Variants in ATP2B4 observed in about 807,000 individuals in gnomAD.
ATP2B4 encodes plasma membrane calcium-transporting ATPase 4.
ATP2B4 carries 39 observed loss-of-function variants against 110.3 expected under a neutral mutation model. The ratio of observed to expected loss-of-function variants is 0.35; its 90% CI spans 0.27 to 0.46. ATP2B4 has a LOEUF of 0.46. ATP2B4 is among the 20% of genes least tolerant of loss of function. The pLI, the probability that ATP2B4 is intolerant of heterozygous loss-of-function variation, is 1.00. For synonymous variants in ATP2B4, 538 were observed against 571.7 expected (o/e 0.94, Z 0.84); for missense variants, 1,135 against 1,530.9 (o/e 0.74, Z 4.32).
chr1:203,717,591 G>C (rs1666194548), intron 15 of ATP2B4, among the ~76,000 whole-genome samples: 1 of 151,274 alleles, frequency 6.6e-6, no homozygotes, highest in African/African-American at 2.4e-5. Flanking sequence ...TTTCTCCAAG[G>C]ATTCCTGCTT....
chr1:203,727,075 T>C (rs956479826), intron 19 of ATP2B4, among the ~76,000 whole-genome samples: 2 of 152,072 alleles, frequency 1.3e-5, no homozygotes, highest in East Asian at 3.9e-4. Context: ...AAAAGACAGA[T>C]TGCAAAATGG....
intron 1 of ATP2B4, among the ~76,000 whole-genome samples, chr1:203,671,474 T>C (rs1664660229): frequency 6.6e-6 from 1 of 152,216 alleles, no homozygotes; most frequent in Non-Finnish European, 1.5e-5. Flanking sequence ...CTGCCCATCT[T>C]GAACCACCTA....
chr1:203,709,383 A>G lies in ATP2B4; in HGVS notation c.1640A>G (p.Lys547Arg), dbSNP rs779242081. The G allele has an allele frequency of 3.1e-6, 5 of 1,614,218 alleles. No homozygotes were observed. In the South Asian group the frequency reaches 5.5e-5, roughly 18 times the overall value. ...CTGCTAGGCTTTGTCACAGATCTGA[A>G]GCAGGATTATCAGGCTGTGCGTAAT... ...CALLGFVTDLKQDYQAVRNEV... is the reference protein window; with the variant it reads ...CALLGFVTDLRQDYQAVRNEV... Residue 547 changes from lysine to arginine, a missense_variant, in exon 11 of 21, where the codon AAG becomes AGG. This residue lies in a region of ATP2B4 where 368 missense variants were observed against 455.9 expected (regional missense o/e 0.81). Transcript: ENST00000357681.
intron 15 of ATP2B4, among the ~76,000 whole-genome samples, chr1:203,717,154 C>T (rs1027028791): frequency 3.9e-5 from 6 of 152,010 alleles, no homozygotes; most frequent in Non-Finnish European, 7.4e-5. Context: ...GCCAAGATCA[C>T]GCCTCTGCAT....
intron 4 of ATP2B4, 106 bp from the exon 5 acceptor site, chr1:203,700,100 C>A: frequency 7.4e-7 from 1 of 1,345,998 alleles, no homozygotes; most frequent in Non-Finnish European, 1.0e-6. Context: ...CTAGATAGGG[C>A]CCATGGGAAC....
At chr1:203,650,585 C>T (rs1336336647) in intron 1 of ATP2B4, among the ~76,000 whole-genome samples, 1 of 152,210 alleles carries the variant, frequency 6.6e-6, no homozygotes, top group Non-Finnish European at 1.5e-5. Flanking sequence ...CCGGCGCCTG[C>T]GGCTGAGTTG....
At chr1:203,714,709 G>C (rs528484386) in intron 15 of ATP2B4, among the ~76,000 whole-genome samples, 1 of 151,836 alleles carries the variant, frequency 6.6e-6, no homozygotes, top group Non-Finnish European at 1.5e-5. Flanking sequence ...ACAGTTAGAC[G>C]TCTTAATTCA....
intron 2 of ATP2B4, among the ~76,000 whole-genome samples, chr1:203,697,651 G>T (rs1009600694): frequency 2.6e-5 from 4 of 152,176 alleles, no homozygotes; most frequent in Non-Finnish European, 5.9e-5. Flanking sequence ...TAGGATGGTT[G>T]TCTCTAACTG....
At position 203,689,023 on chromosome 1, in the gene ATP2B4, C is replaced by T. The variant is rs181039316; in HGVS notation, c.193+5625C>T. Among the ~76,000 whole-genome samples the T allele has an allele frequency of 2.2e-3, 340 of 152,266 alleles. 1 individual carries two copies. Among genetic ancestry groups the T allele is most frequent in the Non-Finnish European group, 3.9e-3 (263 of 68,028 alleles). On this transcript the variant is annotated intron_variant, in intron 2 of 20. Coordinates refer to ENST00000357681, the MANE Select transcript of ATP2B4 (RefSeq NM_001684.5). ...CGTTCCCCATTCCAGTTTTTTCCCC[C>T]TCCTTTTATTGTCTCTTCTTTCCCT... is the stretch of plus-strand genomic sequence containing the variant.
intron 1 of ATP2B4, among the ~76,000 whole-genome samples, chr1:203,658,888 C>T (rs1429829771): frequency 6.6e-6 from 1 of 151,936 alleles, no homozygotes; most frequent in African/African-American, 2.4e-5. Flanking sequence ...CCTGTAATCC[C>T]AGCTACTGAG....
At chr1:203,690,732 G>A (rs1375749326) in intron 2 of ATP2B4, among the ~76,000 whole-genome samples, 1 of 152,118 alleles carries the variant, frequency 6.6e-6, no homozygotes, top group Non-Finnish European at 1.5e-5. Flanking sequence ...TACTAAGGAT[G>A]GCAAATAAGT....
At chr1:203,652,811 C>T (rs1213209010) in intron 1 of ATP2B4, among the ~76,000 whole-genome samples, 2 of 152,228 alleles carry the variant, frequency 1.3e-5, no homozygotes, top group African/African-American at 4.8e-5. Flanking sequence ...GACTGCCTCA[C>T]TGACGAGCTG....
intron 1 of ATP2B4, among the ~76,000 whole-genome samples, chr1:203,664,753 A>G (rs1373721109): frequency 2.0e-5 from 3 of 152,092 alleles, no homozygotes; most frequent in Non-Finnish European, 4.4e-5. Context: ...TTCCTTAGAT[A>G]TTTTTCAGGA....
At chr1:203,686,994 CTTTTTTTTTT>C (rs11329273) in intron 2 of ATP2B4, among the ~76,000 whole-genome samples, 2 of 86,458 alleles carry the variant, frequency 2.3e-5, no homozygotes, top group African/African-American at 4.2e-5. Context: ...GGCATCTGGC[CTTTTTTTTTT>C]TTTTTTTTTT....
chr1:203,700,961 T>C (rs1396843895), intron 6 of ATP2B4, 38 bp downstream of exon 6: 2 of 1,598,176 alleles, frequency 1.3e-6, no homozygotes, highest in South Asian at 2.2e-5. Context: ...TTTCCTCTCA[T>C]CCCCATGGAC....
chr1:203,645,730 A>G (rs575686282), intron 1 of ATP2B4, among the ~76,000 whole-genome samples: 166 of 151,948 alleles, frequency 1.1e-3, no homozygotes, highest in South Asian at 8.1e-3. Flanking sequence ...AGCTGGAATT[A>G]CAAGTGCCTG....
intron 1 of ATP2B4, among the ~76,000 whole-genome samples, chr1:203,675,553 C>G (rs1664803559): frequency 6.6e-6 from 1 of 152,112 alleles, no homozygotes; most frequent in African/African-American, 2.4e-5. Flanking sequence ...CAAAAAGCAC[C>G]AAGTGATTCT....
At chr1:203,677,010 T>C (rs1664848090) in intron 1 of ATP2B4, among the ~76,000 whole-genome samples, 1 of 152,144 alleles carries the variant, frequency 6.6e-6, no homozygotes, top group Non-Finnish European at 1.5e-5. Context: ...GGAAGTAAGC[T>C]CATAGTTTGT....
Position 203,698,372 on chromosome 1 carries a change from CT to C in ATP2B4, c.391+19del. The C allele has an allele frequency of 6.2e-7, 1 of 1,611,974 alleles. No individual in the cohort carries two copies. The highest frequency in any genetic ancestry group is 8.5e-7 in the Non-Finnish European group (1 of 1,178,094). ...AAATGAACGTGAGTGTCCTAAACAGCTCAGCGTGACTCTTATCTGGGTTCTT... is the reference window on the plus strand; with the variant it reads ...AAATGAACGTGAGTGTCCTAAACAGCCAGCGTGACTCTTATCTGGGTTCTT... On this transcript the variant is annotated intron_variant, in intron 3 of 20. Coordinates refer to ENST00000357681, the MANE Select transcript of ATP2B4 (RefSeq NM_001684.5).
Sources: allele counts gnomAD v4.1 joint callset (sites outside exome capture counted in the v4.1 genomes callset), GRCh38; gene constraint gnomAD v4.1.1; regional missense constraint gnomAD v4.1.1; transcripts MANE v1.5; gene names NCBI Gene and HGNC (gene_info 2026-07-23, HGNC 2026-07-21).